The following AKAP8 variants were observed in gnomAD, a reference collection of about 807,000 sequenced individuals.
The protein encoded by AKAP8 is A-kinase anchoring protein 8, also known as A-kinase anchor protein 8.
Under a neutral mutation model 67.5 loss-of-function variants are expected in AKAP8, and 24 were observed. The observed-to-expected ratio is 0.36, with a 90% CI of 0.26 to 0.50. The LOEUF (loss-of-function observed/expected upper bound fraction) is 0.50. Ranked by LOEUF, AKAP8 falls within the 20% of genes least tolerant of loss-of-function variation. The pLI is 0.97. For synonymous variants in AKAP8, 400 were observed against 371.1 expected (o/e 1.08, Z -0.90); for missense variants, 971 against 955.9 (o/e 1.02, Z -0.21).
chr19:15,375,814 A>G (rs937240874), intron 2 of AKAP8, among the ~76,000 whole-genome samples: 2 of 151,130 alleles, frequency 1.3e-5, no homozygotes, highest in African/African-American at 2.4e-5. Flanking sequence ...TTTTTTTTGT[A>G]TTTTTAGTAG....
chr19:15,357,541 G>A (rs777585283), intron 13 of AKAP8, among the ~76,000 whole-genome samples: 3 of 150,696 alleles, frequency 2.0e-5, no homozygotes, highest in Admixed American at 6.6e-5. Flanking sequence ...TCAGGAATTC[G>A]AGGCTGCAGA....
intron 2 of AKAP8, among the ~76,000 whole-genome samples, chr19:15,376,310 T>A (rs1240776577): frequency 6.6e-6 from 1 of 151,768 alleles, no homozygotes; most frequent in East Asian, 1.9e-4. Flanking sequence ...AGGTCAGGAG[T>A]TCGAGACCAG....
chr19:15,378,575 T>G (rs1357587545), intron 1 of AKAP8, among the ~76,000 whole-genome samples: 1 of 152,188 alleles, frequency 6.6e-6, no homozygotes, highest in African/African-American at 2.4e-5. Flanking sequence ...GGCTGAGCCT[T>G]CGCTAGGACC....
chr19:15,379,467 T>C, intron 1 of AKAP8: 1 of 461,110 alleles, frequency 2.2e-6, no homozygotes, highest in Non-Finnish European at 3.8e-6. Context: ...CACCGCGGCG[T>C]CTGCCCCAAC....
intron 4 of AKAP8, among the ~76,000 whole-genome samples, 175 bp from the exon 5 acceptor site, chr19:15,373,515 C>G (rs899287296): frequency 6.6e-6 from 1 of 152,114 alleles, no homozygotes; most frequent in Non-Finnish European, 1.5e-5. Context: ...CACTGCTGAG[C>G]AGGGGACAGA....
chr19:15,360,703 G>A lies in AKAP8; in HGVS notation c.1527+145C>T, dbSNP rs77519888. On this transcript the variant is annotated intron_variant, in intron 12 of 13. Coordinates refer to ENST00000269701, the MANE Select transcript of AKAP8 (RefSeq NM_005858.4). ...CTCACATTTTTATAAAAATTGAGAC[G>A]AATCTTACGACCCATCGATGGAAGT... 1,724 of 1,032,486 alleles carry A rather than the reference G, an allele frequency of 1.7e-3. 29 individuals carry two copies. The African/African-American group carries it at 0.025, about 15-fold the overall frequency. 64.0% of individuals were successfully genotyped at this position (1,032,486 alleles called of 1,614,324 possible). A position where few individuals can be genotyped will look rare whatever the true frequency, so the allele number is the denominator to read the frequency against.
chr19:15,356,451 G>A (rs1180747250), intron 13 of AKAP8, among the ~76,000 whole-genome samples: 1 of 151,384 alleles, frequency 6.6e-6, no homozygotes, highest in Non-Finnish European at 1.5e-5. Flanking sequence ...GCATGTAATA[G>A]GAAGTTAACA....
At chr19:15,357,537 A>G (rs1045542275) in intron 13 of AKAP8, among the ~76,000 whole-genome samples, 10 of 150,776 alleles carry the variant, frequency 6.6e-5, no homozygotes, top group African/African-American at 2.2e-4. Flanking sequence ...GAGCTCAGGA[A>G]TTCGAGGCTG....
Position 15,353,601 on chromosome 19 carries a change from G to A in AKAP8, c.*1314C>T, listed in dbSNP as rs780913589. The A allele has an allele frequency of 1.3e-5, 2 of 152,026 alleles. No homozygotes were observed. The highest frequency in any genetic ancestry group is 1.9e-4 in the East Asian group (1 of 5,198). The allele number at this position is 152,026 out of a possible 1,614,324, so 9.4% of individuals were successfully genotyped here. ...AATATTCACCTGGAATCTCCACTAA[G>A]GCTCCTCATGAGCAGGGCCCAATTC... is the stretch of plus-strand genomic sequence containing the variant. On this transcript the variant is annotated 3_prime_UTR_variant, in exon 14 of 14. Transcript: ENST00000269701.
At chr19:15,371,049 TAC>T (rs1967148789) in intron 7 of AKAP8, among the ~76,000 whole-genome samples, 2 of 152,196 alleles carry the variant, frequency 1.3e-5, no homozygotes, top group Non-Finnish European at 1.5e-5. Context: ...TCAGCAGGTT[TAC>T]AGAGATTCCT....
At position 15,360,958 on chromosome 19, in the gene AKAP8, A is replaced by G. The variant is rs768429460; in HGVS notation, c.1417T>C (p.Phe473Leu). The change falls in exon 12 of 14, where the codon TTC (phenylalanine) becomes CTC (leucine). Residue 473 changes from phenylalanine to leucine, a missense_variant. Phe to Leu is a conservative substitution (Grantham distance 22). Around this residue, in one of 3 missense-constraint regions of AKAP8, gnomAD observed 763 missense variants for 745.4 expected, o/e 1.02. Coordinates refer to ENST00000269701, the MANE Select transcript of AKAP8 (RefSeq NM_005858.4). ...PFKGIGQEHF[F>L]KKIEAAHCLA... ...CAGTGAGCAGCCTCGATCTTCTTGAAGAAGTGCTCCTGGCCAATCCCTGCC... is the reference window on the plus strand; with the variant it reads ...CAGTGAGCAGCCTCGATCTTCTTGAGGAAGTGCTCCTGGCCAATCCCTGCC... 8.1e-6 allele frequency: 13 copies of G among 1,613,402 alleles called. No individual in the cohort carries two copies. The highest frequency in any genetic ancestry group is 2.2e-5 in the South Asian group (2 of 91,030).
At chr19:15,363,451 G>T (rs548887089) in intron 9 of AKAP8, among the ~76,000 whole-genome samples, 76 of 146,914 alleles carry the variant, frequency 5.2e-4, no homozygotes, top group African/African-American at 1.7e-3. Flanking sequence ...GAGCCCCCCT[G>T]CCCGGCCAGC....
rs1476462086 is a variant in AKAP8, at chr19:15,353,713, G to A, written c.*1202C>T. 1 of 152,034 alleles carries A rather than the reference G, an allele frequency of 6.6e-6. No individual in the cohort carries two copies. Among genetic ancestry groups the A allele is most frequent in the Non-Finnish European group, 1.5e-5 (1 of 68,020 alleles). The allele number at this position is 152,034 out of a possible 1,614,324, so 9.4% of individuals were successfully genotyped here. On this transcript the variant is annotated 3_prime_UTR_variant, in exon 14 of 14. Coordinates refer to ENST00000269701, the MANE Select transcript of AKAP8 (RefSeq NM_005858.4). ...GCCTCCTTTCTAATGATTTCCCAGT[G>A]GCCAGCGTTTCCCAACATGTGAGAT... is the stretch of plus-strand genomic sequence containing the variant.
intron 9 of AKAP8, among the ~76,000 whole-genome samples, chr19:15,365,604 C>T (rs1036815271): frequency 2.0e-5 from 3 of 152,216 alleles, no homozygotes; most frequent in South Asian, 4.1e-4. Flanking sequence ...ACAGCCCCTA[C>T]GTAGGCGGGG....
intron 9 of AKAP8, among the ~76,000 whole-genome samples, chr19:15,363,340 T>TC (rs1439931951): frequency 4.3e-5 from 4 of 94,106 alleles, no homozygotes; most frequent in African/African-American, 1.8e-4. Flanking sequence ...AGCCGCTCCG[T>TC]CCGGGAGGGA....
chr19:15,371,981 A>G lies in AKAP8; in HGVS notation c.1009T>C (p.Phe337Leu). The change falls in exon 7 of 14, where the codon TTC becomes CTC. Residue 337 changes from phenylalanine (F) to leucine (L), a missense_variant. Coordinates refer to ENST00000269701, the MANE Select transcript of AKAP8 (RefSeq NM_005858.4). ...TTGAATTCTTCATCTCCTGAGCGGAAGTCACCAGCTGCGTCATCTGCCAGA... is the reference window on the plus strand; with the variant it reads ...TTGAATTCTTCATCTCCTGAGCGGAGGTCACCAGCTGCGTCATCTGCCAGA... The part of the protein sequence containing the change: ...FSENDDAAGD[F>L]RSGDEEFKGE... The G allele has an allele frequency of 6.2e-7, 1 of 1,614,164 alleles. No homozygotes were observed. The highest frequency in any genetic ancestry group is 1.3e-5 in the African/African-American group (1 of 75,062).
chr19:15,364,361 A>G (rs911870425), intron 9 of AKAP8, among the ~76,000 whole-genome samples: 22 of 146,534 alleles, frequency 1.5e-4, no homozygotes, highest in South Asian at 2.1e-4. Flanking sequence ...TTATTTATTT[A>G]TTTTTTTGAG....
chr19:15,356,981 C>T (rs987841018), intron 13 of AKAP8, among the ~76,000 whole-genome samples: 38 of 151,932 alleles, frequency 2.5e-4, no homozygotes, highest in Admixed American at 9.9e-4. Context: ...TTTTTTGAGA[C>T]GGAGTCTTGG....
chr19:15,359,230 T>C (rs993849172), intron 12 of AKAP8, among the ~76,000 whole-genome samples, 168 bp from the exon 13 acceptor site: 4 of 152,160 alleles, frequency 2.6e-5, no homozygotes, highest in African/African-American at 9.7e-5. Flanking sequence ...CAACCAAGAC[T>C]AACAAACTGG....
Sources: gnomAD v4.1 joint callset for allele counts (sites outside exome capture counted in the v4.1 genomes callset) on GRCh38, gnomAD v4.1.1 for gene constraint, gnomAD v4.1.1 regional missense constraint, MANE v1.5 for transcripts, NCBI Gene and HGNC (gene_info 2026-07-23, HGNC 2026-07-21) for gene names.